CALCR: variants seen among roughly 807,000 people sequenced by gnomAD.
CALCR encodes calcitonin receptor.
CALCR carries 47 observed loss-of-function variants against 59.5 expected under a neutral mutation model. The ratio of observed to expected loss-of-function variants is 0.79; its 90% CI spans 0.63 to 1.01. The LOEUF (loss-of-function observed/expected upper bound fraction) is 1.01. Ranked by LOEUF, CALCR falls within the 50% of genes least tolerant of loss-of-function variation. The pLI is 0.00. For synonymous variants in CALCR, 213 were observed against 211.3 expected (o/e 1.01, Z -0.07); for missense variants, 566 against 597.1 (o/e 0.95, Z 0.54).
chr7:93,441,151 C>T (rs995215423), intron 9 of CALCR, among the ~76,000 whole-genome samples: 1 of 152,122 alleles, frequency 6.6e-6, no homozygotes, highest in African/African-American at 2.4e-5. Context: ...CCAGGGTGCC[C>T]TTGTCTCTGC....
chr7:93,438,055 C>A lies in CALCR; in HGVS notation c.930+5G>T. 1 of 1,612,532 alleles carries A rather than the reference C, an allele frequency of 6.2e-7. No homozygotes were observed. The highest frequency in any genetic ancestry group is 8.5e-7 in the Non-Finnish European group (1 of 1,178,890). On this transcript the variant is annotated splice_donor_5th_base_variant and intron_variant, in intron 11 of 13. Coordinates refer to ENST00000426151, the MANE Select transcript of CALCR (RefSeq NM_001742.4). ...CTAATATTGCAATAAAAAACTAATT[C>A]TCACCACAAGTGCCGCCATGACAGG...
At chr7:93,452,330 A>C (rs1486499801) in intron 8 of CALCR, among the ~76,000 whole-genome samples, 1 of 151,982 alleles carries the variant, frequency 6.6e-6, no homozygotes, top group Non-Finnish European at 1.5e-5. Context: ...ACTTTGATTC[A>C]CATATATTTT....
intron 5 of CALCR, among the ~76,000 whole-genome samples, chr7:93,474,517 T>G (rs1363112667): frequency 6.6e-6 from 1 of 151,772 alleles, no homozygotes; most frequent in Non-Finnish European, 1.5e-5. Context: ...AAGATAATAT[T>G]TAAATTCTAA....
At chr7:93,428,833 C>T (rs1799588571) in intron 13 of CALCR, among the ~76,000 whole-genome samples, 1 of 150,808 alleles carries the variant, frequency 6.6e-6, no homozygotes, top group Non-Finnish European at 1.5e-5. Flanking sequence ...ACGGATTCAG[C>T]ATCTCTTAAA....
chr7:93,468,570 T>C (rs1375639697), intron 7 of CALCR, 145 bp downstream of exon 7: 2 of 573,920 alleles, frequency 3.5e-6, no homozygotes, highest in African/African-American at 3.8e-5. Flanking sequence ...TCATTTCATT[T>C]TTCTTGCTAC....
intron 2 of CALCR, among the ~76,000 whole-genome samples, chr7:93,488,939 A>G (rs1276491557): frequency 6.6e-6 from 1 of 151,958 alleles, no homozygotes; most frequent in African/African-American, 2.4e-5. Flanking sequence ...AGAACTCTCC[A>G]ACCCAAATCA....
intron 5 of CALCR, 48 bp from the exon 6 acceptor site, chr7:93,472,535 A>T (rs1251172074): frequency 9.3e-7 from 1 of 1,072,676 alleles, no homozygotes; most frequent in Non-Finnish European, 1.4e-6. Context: ...CAAAATCCCA[A>T]CAAGGAAAAA....
At chr7:93,510,306 G>A (rs1801517667) in intron 2 of CALCR, among the ~76,000 whole-genome samples, 1 of 152,102 alleles carries the variant, frequency 6.6e-6, no homozygotes, top group Non-Finnish European at 1.5e-5. Context: ...CCCGTCCAAT[G>A]TCCATGGGGG....
chr7:93,483,532 A>C (rs769850166), intron 3 of CALCR, among the ~76,000 whole-genome samples: 2 of 148,948 alleles, frequency 1.3e-5, no homozygotes, highest in African/African-American at 2.5e-5. Flanking sequence ...ATATATAATT[A>C]CAATCATGGA....
At chr7:93,462,419 G>A (rs73712898) in intron 7 of CALCR, among the ~76,000 whole-genome samples, 1 of 151,932 alleles carries the variant, frequency 6.6e-6, no homozygotes, top group Non-Finnish European at 1.5e-5. Flanking sequence ...CTAAAGGTAG[G>A]TTGCAAATTT....
intron 2 of CALCR, among the ~76,000 whole-genome samples, chr7:93,537,713 TACAC>T (rs139565888): frequency 1.4e-4 from 21 of 150,408 alleles, no homozygotes; most frequent in Admixed American, 1.1e-3. Context: ...TACATGTGTA[TACAC>T]ACACACACAC....
At chr7:93,496,076 A>G (rs1801195517) in intron 2 of CALCR, 5 of 618,162 alleles carry the variant, frequency 8.1e-6, no homozygotes, top group Non-Finnish European at 2.7e-6. Context: ...AAGTTAAATT[A>G]TCTTTATTTT....
intron 9 of CALCR, among the ~76,000 whole-genome samples, chr7:93,440,696 A>G (rs767852677): frequency 2.6e-5 from 4 of 152,066 alleles, no homozygotes; most frequent in Non-Finnish European, 4.4e-5. Flanking sequence ...TTAAATTTTT[A>G]TATTATTCTG....
At chr7:93,538,442 T>A (rs376576291) in intron 2 of CALCR, among the ~76,000 whole-genome samples, 2 of 152,178 alleles carry the variant, frequency 1.3e-5, no homozygotes, top group African/African-American at 4.8e-5. Context: ...ATACTTATTT[T>A]TAGTTTTTGG....
chr7:93,440,229 C>T (rs1327110640), intron 9 of CALCR, among the ~76,000 whole-genome samples: 2 of 152,118 alleles, frequency 1.3e-5, no homozygotes, highest in African/African-American at 4.8e-5. Flanking sequence ...TCTTTTCTGG[C>T]ATTGTAAAAT....
chr7:93,570,146 G>A (rs1324486846), intron 2 of CALCR, among the ~76,000 whole-genome samples: 1 of 152,086 alleles, frequency 6.6e-6, no homozygotes, highest in Non-Finnish European at 1.5e-5. Flanking sequence ...GCTAAACTAG[G>A]ATTATACCAT....
chr7:93,558,490 T>C (rs1467761663), intron 2 of CALCR, among the ~76,000 whole-genome samples: 3 of 152,104 alleles, frequency 2.0e-5, no homozygotes, highest in Non-Finnish European at 4.4e-5. Flanking sequence ...AAATAGAGAT[T>C]CATTGTTTCT....
At chr7:93,478,785 A>G (rs928078736) in intron 4 of CALCR, among the ~76,000 whole-genome samples, 2 of 151,736 alleles carry the variant, frequency 1.3e-5, no homozygotes, top group African/African-American at 4.8e-5. Flanking sequence ...CTCTACAGCT[A>G]ATAGAATATG....
At chr7:93,530,141 C>T (rs1021023670) in intron 2 of CALCR, among the ~76,000 whole-genome samples, 3 of 152,036 alleles carry the variant, frequency 2.0e-5, no homozygotes, top group African/African-American at 7.2e-5. Context: ...ACTTATGGGG[C>T]AGGTCAACAT....
Sources: allele counts gnomAD v4.1 joint callset (sites outside exome capture counted in the v4.1 genomes callset), GRCh38; gene constraint gnomAD v4.1.1; transcripts MANE v1.5; gene names NCBI Gene and HGNC (gene_info 2026-07-23, HGNC 2026-07-21).